Variants in SLC12A6 observed in about 807,000 individuals in gnomAD.
SLC12A6 encodes the protein solute carrier family 12 member 6.
SLC12A6 carries 66 observed loss-of-function variants against 135.3 expected under a neutral mutation model. The ratio of observed to expected loss-of-function variants is 0.49; its 90% confidence interval spans 0.40 to 0.60. The LOEUF (loss-of-function observed/expected upper bound fraction) is 0.60, where lower values mean the gene tolerates loss of function less well. Among genes scored for constraint, SLC12A6 ranks in the 20% least tolerant of loss-of-function variants. The pLI is 0.00. For missense variants in SLC12A6, 1,058 were observed against 1,452.3 expected (o/e 0.73, Z 4.41); for synonymous variants, 513 against 508.8 (o/e 1.01, Z -0.11).
At chr15:34,289,443 CT>C (rs1426086139) in intron 2 of SLC12A6, among the ~76,000 whole-genome samples, 11 of 151,638 alleles carry the variant, frequency 7.3e-5, no homozygotes, top group African/African-American at 2.7e-4. Context: ...GTCTAAAATT[CT>C]TTTTTGTTGT....
At chr15:34,318,789 A>G in intron 2 of SLC12A6, 5 of 1,574,914 alleles carry the variant, frequency 3.2e-6, no homozygotes, top group Non-Finnish European at 4.3e-6. Flanking sequence ...CCTGCCTACA[A>G]GAGACAGTGG....
intron 2 of SLC12A6, among the ~76,000 whole-genome samples, chr15:34,310,769 AGTGTGTGTGTGTGT>A (rs570488711): frequency 0.096 from 2,425 of 25,332 alleles, 202 homozygotes; most frequent in South Asian, 0.17. Flanking sequence ...CCTGGGCTCA[AGTGTGTGTGTGTGT>A]GTGTGTGTGT....
At chr15:34,240,988 T>C (rs1426042325) in intron 18 of SLC12A6, 159 bp from the exon 19 acceptor site, 12 of 693,218 alleles carry the variant, frequency 1.7e-5, no homozygotes, top group East Asian at 8.1e-5. Flanking sequence ...GGGCATTATT[T>C]TGAATGCTCC....
At chr15:34,294,843 C>A (rs191817620) in intron 2 of SLC12A6, among the ~76,000 whole-genome samples, 63 of 152,308 alleles carry the variant, frequency 4.1e-4, no homozygotes, top group Non-Finnish European at 6.6e-4. Flanking sequence ...GCATGAGCCA[C>A]CACACCCAGC....
In SLC12A6 at chr15:34,242,630, G is replaced by A. The variant is rs911478560; in HGVS notation, c.2043-409C>T. On this transcript the variant is annotated intron_variant, in intron 16 of 25. Transcript: ENST00000354181. ...ACTTGGCAAAGCCAGGATGGGACAC[G>A]CAGCCAGAAATGTTAATAACTCTAG... Among the ~76,000 whole-genome samples the A allele has an allele frequency of 4.6e-5, 7 of 152,148 alleles. No individual in the cohort carries two copies. In the East Asian group the frequency reaches 9.6e-4, roughly 21 times the overall value.
At position 34,250,915 on chromosome 15, in the gene SLC12A6, G is replaced by C. The variant is rs754947873; in HGVS notation, c.1476C>G (p.Phe492Leu). Reference sequence around the variant, plus strand: ...TGTGTTTACCTGTAACAGAGGGAAAGAAGATTCCCACCAGAAGCGTGAAGG... The same window carrying C: ...TGTGTTTACCTGTAACAGAGGGAAACAAGATTCCCACCAGAAGCGTGAAGG... ...TTSFTLLVGI[F>L]FPSVTGIMAG... The change falls in exon 11 of 26, where the codon TTC (phenylalanine) becomes TTG (leucine). Residue 492 changes from phenylalanine (F) to leucine (L), a missense_variant. Transcript: ENST00000354181. 2 of 1,612,254 alleles carry C rather than the reference G, an allele frequency of 1.2e-6. No homozygotes were observed. The highest frequency in any genetic ancestry group is 1.1e-5 in the South Asian group (1 of 91,044).
intron 2 of SLC12A6, among the ~76,000 whole-genome samples, chr15:34,323,940 C>CAAAAAAAA (rs144461318): frequency 1.5e-5 from 2 of 130,992 alleles, no homozygotes; most frequent in East Asian, 2.5e-4. Context: ...GATCTTGTCT[C>CAAAAAAAA]AAAAAAAAAA....
intron 9 of SLC12A6, among the ~76,000 whole-genome samples, chr15:34,253,990 G>A (rs1892569724): frequency 6.6e-6 from 1 of 152,188 alleles, no homozygotes; most frequent in Admixed American, 6.5e-5. Flanking sequence ...GCCAAGGTGG[G>A]CCTTATAAAG....
At chr15:34,320,869 A>G (rs1464350994) in intron 2 of SLC12A6, among the ~76,000 whole-genome samples, 1 of 152,034 alleles carries the variant, frequency 6.6e-6, no homozygotes, top group Non-Finnish European at 1.5e-5. Flanking sequence ...AGATCACGTC[A>G]CTGTACTCCA....
Position 34,235,324 on chromosome 15 carries a change from G to A in SLC12A6, c.3228-10C>T, listed in dbSNP as rs1160307572. On this transcript the variant is annotated splice_polypyrimidine_tract_variant and intron_variant, in intron 24 of 25. Coordinates refer to ENST00000354181, the MANE Select transcript of SLC12A6 (RefSeq NM_001365088.1). ...CACATTGGACTGGTCCCTGAGTGGG[G>A]AAGAAATAAAGGTTGTTAAGGTAAA... 6.2e-7 allele frequency: 1 copy of A among 1,611,842 alleles called. No homozygotes were observed. The highest frequency in any genetic ancestry group is 2.2e-5 in the East Asian group (1 of 44,872).
In SLC12A6 at chr15:34,255,516, T is replaced by C. The variant is rs1308547726; in HGVS notation, c.746-124A>G. 5 of 728,264 alleles carry C rather than the reference T, an allele frequency of 6.9e-6. No homozygotes were observed. In the Admixed American group the frequency reaches 1.1e-4, roughly 16 times the overall value. The allele number at this position is 728,264 out of a possible 1,614,324, so 45.1% of individuals were successfully genotyped here. ...AAATGTTTCAGGCTTCTGCAAACCC[T>C]CAATGTGATAAAAAGATGTGCTAGT... On this transcript the variant is annotated intron_variant, in intron 7 of 25. Transcript: ENST00000354181.
chr15:34,303,660 C>T (rs1038834273), intron 2 of SLC12A6, among the ~76,000 whole-genome samples: 2 of 152,036 alleles, frequency 1.3e-5, no homozygotes, highest in African/African-American at 2.4e-5. Flanking sequence ...GTAATTAGGC[C>T]ATTAGGTAAT....
intron 3 of SLC12A6, among the ~76,000 whole-genome samples, chr15:34,266,136 G>A (rs1305085893): frequency 6.7e-6 from 1 of 148,426 alleles, no homozygotes; most frequent in Non-Finnish European, 1.5e-5. Flanking sequence ...CTAAGACAAA[G>A]ATTGACAGAC....
Position 34,233,596 on chromosome 15 carries a change from G to T in SLC12A6, c.*285C>A. Reference sequence around the variant, plus strand: ...CATCCCTTTTACCAATTCATTTATTGGCTCAGCTTGTTAATTCTAATTTGC... The same window carrying T: ...CATCCCTTTTACCAATTCATTTATTTGCTCAGCTTGTTAATTCTAATTTGC... On this transcript the variant is annotated 3_prime_UTR_variant, in exon 26 of 26. Transcript: ENST00000354181. 2.8e-6 allele frequency: 1 copy of T among 356,488 alleles called. No homozygotes were observed. Among genetic ancestry groups the T allele is most frequent in the Non-Finnish European group, 5.3e-6 (1 of 188,414 alleles). 22.1% of individuals were successfully genotyped at this position (356,488 alleles called of 1,614,324 possible).
rs17236791 is a variant in SLC12A6, at chr15:34,250,405, T to A, written c.1592-50A>T. On this transcript the variant is annotated intron_variant, in intron 12 of 25. Coordinates refer to ENST00000354181, the MANE Select transcript of SLC12A6 (RefSeq NM_001365088.1). The stretch of plus-strand genomic sequence containing the variant: ...CTGTTGTTTACCCTCTAACATGAGA[T>A]AGAAAGTAGACACTCAGTAGACACT... 30 of 1,139,228 alleles carry A rather than the reference T, an allele frequency of 2.6e-5. 1 individual carries two copies. The South Asian group carries it at 3.2e-4, about 12-fold the overall frequency. 70.6% of individuals were successfully genotyped at this position (1,139,228 alleles called of 1,614,324 possible).
chr15:34,279,481 T>C (rs1244066736), intron 2 of SLC12A6, among the ~76,000 whole-genome samples: 1 of 152,190 alleles, frequency 6.6e-6, no homozygotes, highest in African/African-American at 2.4e-5. Flanking sequence ...TTTCTGGGTT[T>C]GCAATCCAAA....
intron 20 of SLC12A6, 58 bp from the exon 21 acceptor site, chr15:34,238,459 A>G (rs1891425133): frequency 7.4e-7 from 1 of 1,346,410 alleles, no homozygotes; most frequent in Non-Finnish European, 1.1e-6. Context: ...GCTTCCTAGC[A>G]TGTCAGGAAA....
intron 3 of SLC12A6, among the ~76,000 whole-genome samples, chr15:34,272,229 A>G (rs1003242513): frequency 2.0e-5 from 3 of 152,154 alleles, no homozygotes; most frequent in Non-Finnish European, 4.4e-5. Flanking sequence ...TTGGCCTCCC[A>G]AAGTGCTGGG....
At chr15:34,256,719 T>C (rs147617335) in intron 6 of SLC12A6, among the ~76,000 whole-genome samples, 59 of 152,312 alleles carry the variant, frequency 3.9e-4, no homozygotes, top group African/African-American at 1.2e-3. Flanking sequence ...ATTTTAAAAA[T>C]ATTACCCGGT....
Sources: gnomAD v4.1 joint callset for allele counts (sites outside exome capture counted in the v4.1 genomes callset) on GRCh38, gnomAD v4.1.1 for gene constraint, MANE v1.5 for transcripts, NCBI Gene and HGNC (gene_info 2026-07-23, HGNC 2026-07-21) for gene names.